Variants in RBM47 observed in about 807,000 individuals in gnomAD.
RBM47 encodes RNA binding motif protein 47.
RBM47 carries 21 observed loss-of-function variants against 47.1 expected under a neutral mutation model. The ratio of observed to expected loss-of-function variants is 0.45; its 90% CI spans 0.32 to 0.64. The LOEUF is 0.64. Ranked by LOEUF, RBM47 falls within the 30% of genes least tolerant of loss-of-function variation. The pLI, the probability that RBM47 is intolerant of heterozygous loss-of-function variation, is 0.05. For synonymous variants in RBM47, 375 were observed against 361.7 expected, an observed-to-expected ratio of 1.04 and a Z score of -0.42; for missense variants, 708 against 870.9, an observed-to-expected ratio of 0.81 and a Z score of 2.35.
intron 1 of RBM47, among the ~76,000 whole-genome samples, chr4:40,578,833 G>C (rs1325805019): frequency 6.6e-6 from 1 of 152,210 alleles, no homozygotes; most frequent in Non-Finnish European, 1.5e-5. Context: ...AAATGTGATA[G>C]CAAGCTGGGC....
rs750922605 is a variant in RBM47 at position 40,437,073 on chromosome 4, C to CAA, written c.1124-428_1124-427dup. The stretch of plus-strand genomic sequence containing the variant: ...TGGGGAGCATGGTGAGACCCTGTCT[C>CAA]AAAAAAAAAAAAAAAAAATATATAT... On this transcript the variant is annotated intron_variant, in intron 4 of 6. Transcript: ENST00000295971. Among the ~76,000 whole-genome samples, 8 of 21,286 alleles carry CAA rather than the reference C, an allele frequency of 3.8e-4. 1 individual carries two copies. The highest frequency in any genetic ancestry group is 1.7e-3 in the Admixed American group (3 of 1,788). 14.0% of individuals were successfully genotyped at this position (21,286 alleles called of 152,430 possible).
At chr4:40,514,621 T>C (rs2154254486) in intron 2 of RBM47, 1 of 152,338 alleles carries the variant, frequency 6.6e-6, no homozygotes, top group South Asian at 2.1e-4. Context: ...GTAAATGTTT[T>C]ACGAGACACT....
intron 3 of RBM47, among the ~76,000 whole-genome samples, chr4:40,463,869 T>A (rs1717547901): frequency 6.6e-6 from 1 of 152,136 alleles, no homozygotes; most frequent in African/African-American, 2.4e-5. Flanking sequence ...AGTTTTTACA[T>A]GTGCCCTGTG....
At chr4:40,570,422 A>C (rs1731595603) in intron 1 of RBM47, among the ~76,000 whole-genome samples, 1 of 151,782 alleles carries the variant, frequency 6.6e-6, no homozygotes, top group Non-Finnish European at 1.5e-5. Flanking sequence ...CTTTATGTGC[A>C]GTTCATAATA....
chr4:40,473,346 C>A (rs913029075), intron 2 of RBM47, among the ~76,000 whole-genome samples: 1 of 152,164 alleles, frequency 6.6e-6, no homozygotes. Flanking sequence ...CCCAGGCCTT[C>A]TATGGAAGAA....
intron 1 of RBM47, among the ~76,000 whole-genome samples, chr4:40,612,034 T>A (rs886916831): frequency 6.6e-6 from 1 of 152,128 alleles, no homozygotes; most frequent in African/African-American, 2.4e-5. Flanking sequence ...GTTAAAAGAA[T>A]GAAGGGTCAA....
chr4:40,428,823 A>T (rs1379732480), intron 6 of RBM47, among the ~76,000 whole-genome samples: 1 of 152,186 alleles, frequency 6.6e-6, no homozygotes, highest in Non-Finnish European at 1.5e-5. Flanking sequence ...GAGATCAGGC[A>T]TCTGATCTCC....
chr4:40,554,772 CCCT>C (rs1729911200), intron 1 of RBM47, among the ~76,000 whole-genome samples: 1 of 144,946 alleles, frequency 6.9e-6, no homozygotes. Context: ...CTCCCTCCCT[CCCT>C]TTCTTCCTTT....
chr4:40,582,341 C>A (rs1006031057), intron 1 of RBM47, among the ~76,000 whole-genome samples: 77 of 152,112 alleles, frequency 5.1e-4, no homozygotes, highest in Admixed American at 2.6e-4. Flanking sequence ...CAAGACCAGC[C>A]TGGTCAACAT....
intron 3 of RBM47, among the ~76,000 whole-genome samples, chr4:40,457,215 T>C (rs1716411524): frequency 6.8e-6 from 1 of 148,062 alleles, no homozygotes; most frequent in African/African-American, 2.5e-5. Context: ...AGATCAGGAG[T>C]TCAAGACCAG....
At chr4:40,608,289 C>A (rs1560503020) in intron 1 of RBM47, among the ~76,000 whole-genome samples, 1 of 152,176 alleles carries the variant, frequency 6.6e-6, no homozygotes, top group East Asian at 1.9e-4. Flanking sequence ...GTTGTCCCCA[C>A]ATGAGTGTGA....
At chr4:40,566,972 C>T (rs1731164758) in intron 1 of RBM47, among the ~76,000 whole-genome samples, 1 of 143,734 alleles carries the variant, frequency 7.0e-6, no homozygotes, top group South Asian at 2.1e-4. Flanking sequence ...ATCATTTATC[C>T]TCTCTTTTTT....
intron 2 of RBM47, among the ~76,000 whole-genome samples, chr4:40,497,818 T>TA (rs36023190): frequency 6.8e-4 from 90 of 132,276 alleles, no homozygotes; most frequent in Non-Finnish European, 5.9e-4. Context: ...TACAGCAAAT[T>TA]AAAAAAAAAA....
At chr4:40,467,243 G>A (rs560103587) in intron 2 of RBM47, among the ~76,000 whole-genome samples, 2 of 152,026 alleles carry the variant, frequency 1.3e-5, no homozygotes, top group Non-Finnish European at 2.9e-5. Flanking sequence ...ACCAACCAGA[G>A]TTGGTATGAA....
At chr4:40,565,735 G>A (rs1731039818) in intron 1 of RBM47, among the ~76,000 whole-genome samples, 2 of 151,956 alleles carry the variant, frequency 1.3e-5, no homozygotes, top group South Asian at 2.1e-4. Context: ...GCAAGCCCAG[G>A]GCACAGGAAC....
intron 1 of RBM47, among the ~76,000 whole-genome samples, chr4:40,613,996 C>T (rs902688821): frequency 6.6e-6 from 1 of 151,982 alleles, no homozygotes; most frequent in African/African-American, 2.4e-5. Flanking sequence ...CCCATCCCCA[C>T]TACTGCCTCC....
chr4:40,552,970 T>C (rs1729707181), intron 1 of RBM47, among the ~76,000 whole-genome samples: 5 of 151,320 alleles, frequency 3.3e-5, no homozygotes, highest in South Asian at 2.1e-4. Flanking sequence ...TTCTTTTCTT[T>C]TTTCTTTTTT....
chr4:40,541,626 T>G (rs1250602051), intron 2 of RBM47, among the ~76,000 whole-genome samples: 1 of 151,758 alleles, frequency 6.6e-6, no homozygotes, highest in Non-Finnish European at 1.5e-5. Context: ...TAATCCCAGC[T>G]AGTCGGGAGG....
At chr4:40,610,610 CAAAAAAAA>C (rs34149753) in intron 1 of RBM47, among the ~76,000 whole-genome samples, 2 of 52,806 alleles carry the variant, frequency 3.8e-5, no homozygotes, top group Non-Finnish European at 8.6e-5. Context: ...GACTCCATCT[CAAAAAAAA>C]AAAAAAAAAA....
Sources: gnomAD v4.1 joint callset for allele counts (sites outside exome capture counted in the v4.1 genomes callset) on GRCh38, gnomAD v4.1.1 for gene constraint, MANE v1.5 for transcripts, NCBI Gene and HGNC (gene_info 2026-07-23, HGNC 2026-07-21) for gene names.